The following TULP4 variants were observed in gnomAD, a reference collection of about 807,000 sequenced individuals.
TULP4 encodes the protein TUB like protein 4, also known as tubby-related protein 4.
Under a neutral mutation model 129.0 loss-of-function variants are expected in TULP4, and 16 were observed. The ratio of observed to expected loss-of-function variants is 0.12; its 90% CI spans 0.08 to 0.19. The LOEUF (loss-of-function observed/expected upper bound fraction) is 0.19, where lower values mean the gene tolerates loss of function less well. Among genes scored for constraint, TULP4 ranks in the 10% least tolerant of loss-of-function variants. TULP4 has a pLI of 1.00. For missense variants in TULP4, 1,842 were observed against 2,059.1 expected, an observed-to-expected ratio of 0.89 and a Z score of 2.04; for synonymous variants, 998 against 854.0, an observed-to-expected ratio of 1.17 and a Z score of -2.94.
At chr6:158,276,822 A>G (rs941300265) in intron 1 of TULP4, among the ~76,000 whole-genome samples, 2 of 152,196 alleles carry the variant, frequency 1.3e-5, no homozygotes, top group Non-Finnish European at 2.9e-5. Context: ...TATATTTGCT[A>G]ATAATAATAC....
intron 1 of TULP4, chr6:158,241,792 A>C (rs1777921532): frequency 8.2e-6 from 4 of 486,874 alleles, no homozygotes; most frequent in Non-Finnish European, 1.2e-5. Context: ...ACGGGGTTTT[A>C]CCGTATTGGC....
chr6:158,445,688 T>C (rs1779020159), intron 3 of TULP4, among the ~76,000 whole-genome samples: 1 of 152,144 alleles, frequency 6.6e-6, no homozygotes, highest in Non-Finnish European at 1.5e-5. Context: ...GTACTAGACA[T>C]TGGAGATAAA....
In TULP4 at chr6:158,240,651, A is replaced by AC. The variant is rs1236639156; in HGVS notation, n.68+8355dup. Among the ~76,000 whole-genome samples, 17 of 89,388 alleles carry AC rather than the reference A, an allele frequency of 1.9e-4. 1 individual carries two copies. Among genetic ancestry groups the AC allele is most frequent in the Non-Finnish European group, 3.2e-4 (13 of 41,076 alleles). The allele number at this position is 89,388 out of a possible 152,430, so 58.6% of individuals were successfully genotyped here. Reference sequence around the variant, plus strand: ...GGGGCGGCTGGCCGGGTGGAGGCTGACCCCCCCACCTCCCTCCCAGACGGG... The same window carrying AC: ...GGGGCGGCTGGCCGGGTGGAGGCTGACCCCCCCCACCTCCCTCCCAGACGGG... On this transcript the variant is annotated intron_variant and non_coding_transcript_variant, in intron 1 of 1. Coordinates refer to the TULP4 transcript ENST00000620026.
At chr6:158,475,174 G>GA (rs1562582058) in intron 6 of TULP4, among the ~76,000 whole-genome samples, 13 of 152,244 alleles carry the variant, frequency 8.5e-5, no homozygotes, top group African/African-American at 3.1e-4. Context: ...GGTGAGGCAG[G>GA]GCTGGCCCGC....
chr6:158,471,130 T>C (rs925795490), intron 6 of TULP4, among the ~76,000 whole-genome samples: 3 of 151,862 alleles, frequency 2.0e-5, no homozygotes, highest in Non-Finnish European at 2.9e-5. Flanking sequence ...GAAGGAGAGA[T>C]TGTAGAAAGA....
At position 158,493,792 on chromosome 6, in the gene TULP4, C is replaced by T. The variant is rs542026415; in HGVS notation, c.1776+75C>T. ...GCCCAGAGGGCCCCTTCCTACCCGC[C>T]GCCTGCACTGCTCACTGCCACCATG... is the stretch of plus-strand genomic sequence containing the variant. On this transcript the variant is annotated intron_variant, in intron 10 of 13. Transcript: ENST00000367097. The surrounding 1 kb of genome is among the most constrained non-coding windows in gnomAD (Gnocchi z 4.4). The T allele has an allele frequency of 4.0e-5, 58 of 1,444,896 alleles. No individual in the cohort carries two copies. In the Admixed American group the frequency reaches 8.9e-4, roughly 22 times the overall value. The allele number at this position is 1,444,896 out of a possible 1,614,324, so 89.5% of individuals were successfully genotyped here. A position where few individuals can be genotyped will look rare whatever the true frequency, so the allele number is the denominator to read the frequency against.
intron 1 of TULP4, among the ~76,000 whole-genome samples, chr6:158,405,052 T>C (rs1248812913): frequency 6.6e-6 from 1 of 152,186 alleles, no homozygotes. Context: ...AACAAGGTAA[T>C]AGTCATGGCA....
intron 6 of TULP4, among the ~76,000 whole-genome samples, 182 bp from the exon 7 acceptor site, chr6:158,479,569 C>G (rs1217051799): frequency 6.6e-6 from 1 of 152,140 alleles, no homozygotes; most frequent in Non-Finnish European, 1.5e-5. Context: ...AGCCCTCTAG[C>G]CAATTTTCAA....
chr6:158,276,657 C>T (rs1778651349), intron 1 of TULP4, among the ~76,000 whole-genome samples: 1 of 152,070 alleles, frequency 6.6e-6, no homozygotes, highest in Non-Finnish European at 1.5e-5. Flanking sequence ...GCTTGACACC[C>T]TTGTGTCATA....
At chr6:158,249,483 CT>C (rs1778097192) in intron 1 of TULP4, among the ~76,000 whole-genome samples, 1 of 152,176 alleles carries the variant, frequency 6.6e-6, no homozygotes, top group South Asian at 2.1e-4. Flanking sequence ...AGCTTTGCCT[CT>C]GAGGGACTTG....
At chr6:158,272,122 G>A (rs1187542465) in intron 1 of TULP4, among the ~76,000 whole-genome samples, 1 of 152,158 alleles carries the variant, frequency 6.6e-6, no homozygotes, top group Non-Finnish European at 1.5e-5. Flanking sequence ...CTGTCCTCGG[G>A]GAGGTGACAG....
At chr6:158,484,857 TACAC>T (rs1023520025) in intron 8 of TULP4, among the ~76,000 whole-genome samples, 2 of 152,262 alleles carry the variant, frequency 1.3e-5, no homozygotes, top group African/African-American at 4.8e-5. Flanking sequence ...TGCTCTTGCA[TACAC>T]ACACGCATAA....
At chr6:158,243,494 G>T (rs538506212) in intron 1 of TULP4, among the ~76,000 whole-genome samples, 16 of 150,744 alleles carry the variant, frequency 1.1e-4, no homozygotes, top group Non-Finnish European at 2.2e-4. Flanking sequence ...TGCAAATAAG[G>T]TCCATACATT....
At chr6:158,364,085 A>G (rs922508703) in intron 1 of TULP4, among the ~76,000 whole-genome samples, 3 of 152,236 alleles carry the variant, frequency 2.0e-5, no homozygotes, top group Admixed American at 2.0e-4. Flanking sequence ...GGTACAGTCA[A>G]TAAAATGACT....
intron 1 of TULP4, among the ~76,000 whole-genome samples, chr6:158,330,132 G>A (rs951146523): frequency 7.4e-4 from 25 of 33,606 alleles, no homozygotes; most frequent in Non-Finnish European, 1.8e-3. Flanking sequence ...TTTGATAACC[G>A]ATACTCTTTT....
intron 1 of TULP4, among the ~76,000 whole-genome samples, chr6:158,378,008 C>G (rs528952879): frequency 6.2e-4 from 94 of 152,270 alleles, no homozygotes; most frequent in African/African-American, 1.3e-3. Flanking sequence ...TCTCTGAGGG[C>G]TGATAGGCTC....
intron 1 of TULP4, among the ~76,000 whole-genome samples, chr6:158,353,894 C>T (rs1780582160): frequency 6.6e-6 from 1 of 152,114 alleles, no homozygotes. Context: ...CTGGGCATTC[C>T]CTAAAGGGGT....
chr6:158,251,296 G>A (rs536504406), intron 1 of TULP4, among the ~76,000 whole-genome samples: 4 of 152,184 alleles, frequency 2.6e-5, no homozygotes, highest in Non-Finnish European at 5.9e-5. Flanking sequence ...TTTTTAGTTC[G>A]GTGGTTTAAT....
chr6:158,309,979 A>G (rs1409692033), upstream of TULP4, among the ~76,000 whole-genome samples: 4 of 151,800 alleles, frequency 2.6e-5, no homozygotes, highest in Non-Finnish European at 5.9e-5. Flanking sequence ...AAATTCTGTT[A>G]GTTGTTTTCC....
Sources: gnomAD v4.1 joint callset for allele counts (sites outside exome capture counted in the v4.1 genomes callset) on GRCh38, gnomAD v4.1.1 for gene constraint, Gnocchi (gnomAD v3.1) non-coding constraint, MANE v1.5 for transcripts, NCBI Gene and HGNC (gene_info 2026-07-23, HGNC 2026-07-21) for gene names.